Variants in CDKAL1 observed in about 807,000 individuals in gnomAD.
CDKAL1 encodes the protein threonylcarbamoyladenosine tRNA methylthiotransferase.
A neutral mutation model predicts 68.2 loss-of-function variants in CDKAL1; 32 were observed. The ratio of observed to expected loss-of-function variants is 0.47; its 90% confidence interval spans 0.35 to 0.63. The LOEUF is 0.63. CDKAL1 is among the 30% of genes least tolerant of loss of function. The probability of loss-of-function intolerance (pLI) is 0.00; values close to 1 mark genes in which losing one functional copy is unlikely to be tolerated. For synonymous variants in CDKAL1, 234 were observed against 244.3 expected, an observed-to-expected ratio of 0.96 and a Z score of 0.39; for missense variants, 606 against 696.7, an observed-to-expected ratio of 0.87 and a Z score of 1.47.
At chr6:20,983,614 G>A (rs1025396442) in intron 10 of CDKAL1, among the ~76,000 whole-genome samples, 3 of 152,100 alleles carry the variant, frequency 2.0e-5, no homozygotes, top group African/African-American at 4.8e-5. Context: ...CCAGCTACTC[G>A]GGAGGCTGAG....
At chr6:21,023,770 A>G (rs563166841) in intron 11 of CDKAL1, among the ~76,000 whole-genome samples, 14 of 152,324 alleles carry the variant, frequency 9.2e-5, no homozygotes, top group Non-Finnish European at 1.6e-4. Context: ...TAGAAACAAT[A>G]AACAGAATGG....
intron 8 of CDKAL1, among the ~76,000 whole-genome samples, chr6:20,821,347 G>C (rs1777271841): frequency 6.6e-6 from 1 of 152,012 alleles, no homozygotes; most frequent in African/African-American, 2.4e-5. Flanking sequence ...CAGCATCCTA[G>C]GGTAAGCCCC....
At chr6:20,591,263 A>G (rs958038926) in intron 4 of CDKAL1, among the ~76,000 whole-genome samples, 1 of 152,156 alleles carries the variant, frequency 6.6e-6, no homozygotes, top group East Asian at 1.9e-4. Flanking sequence ...GCCCTTTGTT[A>G]AATGGATAGA....
intron 12 of CDKAL1, among the ~76,000 whole-genome samples, chr6:21,079,652 C>T (rs1183885281): frequency 6.6e-6 from 1 of 152,136 alleles, no homozygotes; most frequent in Non-Finnish European, 1.5e-5. Flanking sequence ...TTTACAAGGA[C>T]CCTTGAACGT....
chr6:20,778,585 G>A (rs1050674804), intron 7 of CDKAL1, among the ~76,000 whole-genome samples: 1 of 152,172 alleles, frequency 6.6e-6, no homozygotes, highest in African/African-American at 2.4e-5. Flanking sequence ...TCTGCGTTCA[G>A]CAAGCTGGAA....
intron 8 of CDKAL1, among the ~76,000 whole-genome samples, chr6:20,810,500 G>A (rs4373348): frequency 0.28 from 42,284 of 149,668 alleles, 6,552 homozygotes; most frequent in East Asian, 0.52. Context: ...GTGAGGCTGA[G>A]GTGGGAGGAT....
intron 5 of CDKAL1, among the ~76,000 whole-genome samples, chr6:20,699,378 A>G (rs1771245341): frequency 1.3e-5 from 2 of 151,000 alleles, no homozygotes; most frequent in Non-Finnish European, 3.0e-5. Context: ...TTTTAGTTAC[A>G]AGAATGAACC....
chr6:20,756,890 T>G (rs550892963), intron 6 of CDKAL1: 129 of 96,628 alleles, frequency 1.3e-3, no homozygotes, highest in Middle Eastern at 4.9e-3. Flanking sequence ...CTTCCTTCCT[T>G]CCTTCCTTCC....
At chr6:20,769,551 C>G (rs1170610252) in intron 7 of CDKAL1, among the ~76,000 whole-genome samples, 2 of 152,046 alleles carry the variant, frequency 1.3e-5, no homozygotes, top group East Asian at 3.9e-4. Context: ...GCCACCACAC[C>G]GGCCTTGATC....
intron 5 of CDKAL1, 32 bp downstream of exon 5, chr6:20,649,409 A>G (rs370978811): frequency 4.1e-6 from 5 of 1,223,314 alleles, no homozygotes; most frequent in African/African-American, 3.1e-5. Flanking sequence ...CCTATTTTGT[A>G]TAATCAAAGT....
chr6:20,722,148 A>G (rs1772408398), intron 5 of CDKAL1, among the ~76,000 whole-genome samples: 1 of 151,910 alleles, frequency 6.6e-6, no homozygotes, highest in Non-Finnish European at 1.5e-5. Flanking sequence ...TCAAATTATC[A>G]TTTTTCCATC....
At chr6:20,759,113 T>A (rs1247905559) in intron 7 of CDKAL1, among the ~76,000 whole-genome samples, 1 of 152,148 alleles carries the variant, frequency 6.6e-6, no homozygotes, top group African/African-American at 2.4e-5. Context: ...CACTCCAGCC[T>A]GAGCAACACA....
intron 7 of CDKAL1, among the ~76,000 whole-genome samples, chr6:20,769,058 C>T (rs1774821698): frequency 6.6e-6 from 1 of 152,088 alleles, no homozygotes; most frequent in African/African-American, 2.4e-5. Context: ...ACAGCCTTGG[C>T]TCTCTGACAT....
At chr6:20,580,250 A>G (rs905414424) in intron 4 of CDKAL1, among the ~76,000 whole-genome samples, 2 of 152,216 alleles carry the variant, frequency 1.3e-5, no homozygotes, top group Non-Finnish European at 1.5e-5. Flanking sequence ...GCCCCCAGAA[A>G]GTCCATGACA....
At chr6:21,176,412 C>G (rs1201667189) in intron 13 of CDKAL1, among the ~76,000 whole-genome samples, 1 of 152,242 alleles carries the variant, frequency 6.6e-6, no homozygotes, top group Non-Finnish European at 1.5e-5. Context: ...ACTGGCATTT[C>G]AAACAATGCA....
intron 4 of CDKAL1, among the ~76,000 whole-genome samples, chr6:20,633,608 A>G (rs1441795946): frequency 2.0e-5 from 3 of 152,244 alleles, no homozygotes; most frequent in African/African-American, 7.2e-5. Context: ...AGGAATTGCC[A>G]GATTATTTTC....
intron 9 of CDKAL1, among the ~76,000 whole-genome samples, chr6:20,933,537 A>G (rs1431402117): frequency 2.6e-5 from 4 of 152,276 alleles, no homozygotes; most frequent in Non-Finnish European, 5.9e-5. Flanking sequence ...CCTTATAAAT[A>G]TATGACTGGC....
Position 20,942,758 on chromosome 6 carries a change from C to T in CDKAL1, c.743-12661C>T, listed in dbSNP as rs184179221. ...GATCACAAGGTCAGAAGATCGAGAC[C>T]ATCCTGGCCAACATGGTGAAACCCC... On this transcript the variant is annotated intron_variant, in intron 9 of 15. Transcript: ENST00000274695. Among the ~76,000 whole-genome samples, 396 of 150,012 alleles carry T rather than the reference C, an allele frequency of 2.6e-3. 2 individuals carry two copies. The highest frequency in any genetic ancestry group is 8.3e-3 in the African/African-American group (344 of 41,228).
intron 4 of CDKAL1, among the ~76,000 whole-genome samples, chr6:20,577,128 C>T (rs532551388): frequency 1.4e-4 from 22 of 152,186 alleles, no homozygotes; most frequent in East Asian, 1.9e-4. Context: ...CCTTGGTGAC[C>T]GCAAGCGATC....
Sources: allele counts gnomAD v4.1 joint callset (sites outside exome capture counted in the v4.1 genomes callset), GRCh38; gene constraint gnomAD v4.1.1; transcripts MANE v1.5; gene names NCBI Gene and HGNC (gene_info 2026-07-23, HGNC 2026-07-21).